EPM2A: variants seen among roughly 807,000 people sequenced by gnomAD.
EPM2A encodes laforin.
Under a neutral mutation model 26.5 loss-of-function variants are expected in EPM2A, and 21 were observed. The ratio of observed to expected loss-of-function variants is 0.79; its 90% CI spans 0.56 to 1.14. The LOEUF (loss-of-function observed/expected upper bound fraction) is 1.14, where lower values mean the gene tolerates loss of function less well. Among genes scored for constraint, EPM2A ranks in the 50% most tolerant of loss-of-function variants. EPM2A has a pLI of 0.00. For synonymous variants in EPM2A, 217 were observed against 177.6 expected (o/e 1.22, Z -1.76); for missense variants, 458 against 440.8 (o/e 1.04, Z -0.35).
chr6:145,468,240 C>A (rs1779425958), intron 4 of EPM2A, among the ~76,000 whole-genome samples: 2 of 151,988 alleles, frequency 1.3e-5, no homozygotes, highest in Non-Finnish European at 2.9e-5. Flanking sequence ...AGAGGACAGT[C>A]ATATTTCTAT....
chr6:145,505,091 G>A lies in EPM2A; in HGVS notation c.341-2516C>T, dbSNP rs1432794092. 8.3e-5 allele frequency among the ~76,000 whole-genome samples: 10 copies of A among 120,928 alleles called. No homozygotes were observed. In the Admixed American group the frequency reaches 9.3e-4, roughly 11 times the overall value. The allele number at this position is 120,928 out of a possible 152,430, so 79.3% of individuals were successfully genotyped here. A position where few individuals can be genotyped will look rare whatever the true frequency, so the allele number is the denominator to read the frequency against. On this transcript the variant is annotated intron_variant, in intron 2 of 3. Coordinates refer to the EPM2A transcript ENST00000450221. ...AGGGGAATATCACACTCTGGGGACT[G>A]TGGTGGGGTGGGGGGAGGGGGGAGG...
At chr6:145,412,906 T>C (rs13195221) in intron 4 of EPM2A, among the ~76,000 whole-genome samples, 18,196 of 152,170 alleles carry the variant, frequency 0.12, 1,156 homozygotes, top group South Asian at 0.24. Flanking sequence ...CATCTGGGGT[T>C]CTCTGCTGGT....
chr6:145,734,955 C>T, intron 1 of EPM2A: 1 of 285,068 alleles, frequency 3.5e-6, no homozygotes, highest in Non-Finnish European at 6.4e-6. Flanking sequence ...GGCGGGAAGG[C>T]GGCCGGGAGC....
intron 2 of EPM2A, among the ~76,000 whole-genome samples, chr6:145,548,842 G>A (rs955654907): frequency 6.6e-6 from 1 of 152,006 alleles, no homozygotes; most frequent in Non-Finnish European, 1.5e-5. Context: ...GCACTTTGGT[G>A]GTCTCAGTTC....
chr6:145,455,392 CTG>C (rs1279928732), intron 4 of EPM2A, among the ~76,000 whole-genome samples: 1 of 152,198 alleles, frequency 6.6e-6, no homozygotes, highest in Non-Finnish European at 1.5e-5. Flanking sequence ...GAGTCTCACT[CTG>C]TTGCCCAGGC....
At chr6:145,640,743 A>C (rs1422057740) in intron 2 of EPM2A, 1 of 152,184 alleles carries the variant, frequency 6.6e-6, no homozygotes, top group African/African-American at 2.4e-5. Flanking sequence ...ATTAGTGGGA[A>C]AGCAAGAGAA....
chr6:145,430,634 G>A (rs775486706), intron 4 of EPM2A, among the ~76,000 whole-genome samples: 4 of 151,668 alleles, frequency 2.6e-5, no homozygotes, highest in Non-Finnish European at 5.9e-5. Flanking sequence ...AATAGCATAC[G>A]AGGCAAAAAC....
intron 2 of EPM2A, among the ~76,000 whole-genome samples, chr6:145,618,228 T>C (rs1432840093): frequency 6.6e-6 from 1 of 152,042 alleles, no homozygotes; most frequent in African/African-American, 2.4e-5. Flanking sequence ...CAGATATAGA[T>C]AGGAGGGAAG....
At chr6:145,559,262 C>A (rs959256592) in intron 2 of EPM2A, among the ~76,000 whole-genome samples, 1 of 152,034 alleles carries the variant, frequency 6.6e-6, no homozygotes, top group Admixed American at 6.6e-5. Flanking sequence ...TGCCTAGAGC[C>A]TAGGGCATTA....
intron 4 of EPM2A, among the ~76,000 whole-genome samples, chr6:145,473,312 G>GA (rs938825223): frequency 4.3e-4 from 61 of 142,588 alleles, no homozygotes; most frequent in East Asian, 1.9e-3. Context: ...TCAAGCAGAA[G>GA]AAAAAAAAAA....
intron 1 of EPM2A, among the ~76,000 whole-genome samples, chr6:145,688,014 T>C (rs1166136884): frequency 6.6e-6 from 1 of 152,180 alleles, no homozygotes; most frequent in Non-Finnish European, 1.5e-5. Context: ...ACAGTAATAC[T>C]ATTTTAATAG....
intron 2 of EPM2A, among the ~76,000 whole-genome samples, chr6:145,675,761 G>A (rs1053284661): frequency 3.3e-5 from 5 of 152,224 alleles, no homozygotes; most frequent in Middle Eastern, 3.4e-3. Flanking sequence ...ACCCAATACA[G>A]GAGCACCCAG....
intron 1 of EPM2A, among the ~76,000 whole-genome samples, chr6:145,733,533 T>C (rs1430430623): frequency 2.6e-5 from 4 of 152,098 alleles, no homozygotes; most frequent in African/African-American, 9.7e-5. Context: ...ATTAACGGCA[T>C]AGGGAGGACT....
At chr6:145,564,669 A>C (rs1780854008) in intron 2 of EPM2A, among the ~76,000 whole-genome samples, 1 of 151,904 alleles carries the variant, frequency 6.6e-6, no homozygotes, top group Admixed American at 6.6e-5. Context: ...GTAGGAACTC[A>C]AAGTATGGAG....
intron 4 of EPM2A, among the ~76,000 whole-genome samples, chr6:145,408,998 A>G (rs1778607216): frequency 6.6e-6 from 1 of 152,226 alleles, no homozygotes; most frequent in African/African-American, 2.4e-5. Context: ...CTTTCAGACC[A>G]CAGCAAGTAC....
chr6:145,392,801 A>G (rs1397795427), intron 4 of EPM2A, among the ~76,000 whole-genome samples: 1 of 152,150 alleles, frequency 6.6e-6, no homozygotes, highest in African/African-American at 2.4e-5. Context: ...GAATAGATCA[A>G]CCATGAGGGT....
At chr6:145,419,183 C>CCCCA (rs1172291859) in intron 4 of EPM2A, among the ~76,000 whole-genome samples, 1 of 146,666 alleles carries the variant, frequency 6.8e-6, no homozygotes, top group Non-Finnish European at 1.5e-5. Context: ...TTAAATGTCC[C>CCCCA]CCCCCCCCGC....
At chr6:145,623,234 GAAAAT>G (rs1775675170), downstream of EPM2A, among the ~76,000 whole-genome samples, 1 of 152,294 alleles carries the variant, frequency 6.6e-6, no homozygotes, top group Admixed American at 6.5e-5. Context: ...ACAGCATATA[GAAAAT>G]AAAATAAGTA....
At chr6:145,580,210 T>G (rs558778726) in intron 2 of EPM2A, among the ~76,000 whole-genome samples, 116 of 152,156 alleles carry the variant, frequency 7.6e-4, no homozygotes, top group Non-Finnish European at 1.3e-3. Context: ...CCTCCAAAAT[T>G]TCATGTACTA....
Sources: allele counts gnomAD v4.1 joint callset (sites outside exome capture counted in the v4.1 genomes callset), GRCh38; gene constraint gnomAD v4.1.1; transcripts MANE v1.5; gene names NCBI Gene and HGNC (gene_info 2026-07-23, HGNC 2026-07-21).